The following TENM3 variants were observed in gnomAD, a reference collection of about 807,000 sequenced individuals.
TENM3 encodes the protein teneurin-3.
Under a neutral mutation model 255.1 loss-of-function variants are expected in TENM3, and 63 were observed. That is an observed-to-expected ratio of 0.25 (90% CI 0.20 to 0.30). TENM3 has a LOEUF of 0.30. Among genes scored for constraint, TENM3 ranks in the 10% least tolerant of loss-of-function variants. The probability of loss-of-function intolerance (pLI) is 1.00; values close to 1 mark genes in which losing one functional copy is unlikely to be tolerated. For synonymous variants in TENM3, 1,306 were observed against 1,322.3 expected (o/e 0.99, Z 0.27); for missense variants, 2,929 against 3,461.1 (o/e 0.85, Z 3.86).
intron 3 of TENM3, among the ~76,000 whole-genome samples, chr4:182,488,779 A>G (rs1734996673): frequency 6.6e-6 from 1 of 152,150 alleles, no homozygotes; most frequent in Admixed American, 6.6e-5. Context: ...ATATAAAATT[A>G]TGTAATAGGT....
At chr4:181,860,725 C>T in the TENM3 span, among the ~76,000 whole-genome samples, 1 of 152,148 alleles carries the variant, frequency 6.6e-6, no homozygotes, top group African/African-American at 2.4e-5. Context: ...TTTATGGGGG[C>T]TCCGGGGTCC....
intron 4 of TENM3, among the ~76,000 whole-genome samples, chr4:182,613,241 G>A (rs1023194713): frequency 4.6e-5 from 7 of 152,226 alleles, no homozygotes; most frequent in East Asian, 3.9e-4. Flanking sequence ...AACAATAGGT[G>A]TAATTGATAT....
chr4:181,473,227 ACT>A, the TENM3 span, among the ~76,000 whole-genome samples: 1 of 152,068 alleles, frequency 6.6e-6, no homozygotes, highest in African/African-American at 2.4e-5. Context: ...CAAAGACAAG[ACT>A]CTATCAGCTT....
intron 3 of TENM3, among the ~76,000 whole-genome samples, chr4:182,361,768 G>C (rs572547605): frequency 1.3e-5 from 2 of 152,130 alleles, no homozygotes; most frequent in African/African-American, 2.4e-5. Flanking sequence ...GAGGAACTGC[G>C]TTCCTTTGGA....
intron 3 of TENM3, among the ~76,000 whole-genome samples, chr4:182,573,826 A>G (rs1580985482): frequency 6.6e-6 from 1 of 152,312 alleles, no homozygotes; most frequent in Non-Finnish European, 1.5e-5. Flanking sequence ...AAGGAAAAAT[A>G]TTGAGATTCA....
At chr4:182,600,593 C>G (rs1747729056) in intron 3 of TENM3, among the ~76,000 whole-genome samples, 1 of 151,768 alleles carries the variant, frequency 6.6e-6, no homozygotes, top group Admixed American at 6.6e-5. Flanking sequence ...AATCTGAAGG[C>G]ACATTAGAGG....
At chr4:182,642,369 C>T (rs992458185) in intron 5 of TENM3, among the ~76,000 whole-genome samples, 1 of 152,196 alleles carries the variant, frequency 6.6e-6, no homozygotes, top group African/African-American at 2.4e-5. Flanking sequence ...TCAAAGGCAG[C>T]TCTGGAATTA....
chr4:181,715,053 G>A, the TENM3 span, among the ~76,000 whole-genome samples: 1 of 152,270 alleles, frequency 6.6e-6, no homozygotes, highest in East Asian at 1.9e-4. Flanking sequence ...AAAGAACTGA[G>A]GGTTACCAAT....
At chr4:182,143,375 G>GAA (rs1228799406), upstream of TENM3, 1 of 166,958 alleles carries the variant, frequency 6.0e-6, no homozygotes, top group Non-Finnish European at 1.5e-5. This position sits in a 1 kb window ranked among gnomAD's most constrained non-coding sequence, Gnocchi z 4.3. Context: ...TCGGACGAAA[G>GAA]AACACTGTGG....
At chr4:181,589,522 T>C in the TENM3 span, among the ~76,000 whole-genome samples, 2 of 152,202 alleles carry the variant, frequency 1.3e-5, no homozygotes, top group Admixed American at 6.5e-5. Flanking sequence ...AAACTAAAAA[T>C]GTAAAAAGGA....
the TENM3 span, among the ~76,000 whole-genome samples, chr4:181,590,525 C>T: frequency 6.6e-6 from 1 of 152,136 alleles, no homozygotes; most frequent in East Asian, 1.9e-4. Flanking sequence ...GCTAGGGGCA[C>T]CATCCTTTAG....
the TENM3 span, among the ~76,000 whole-genome samples, chr4:181,990,088 G>C: frequency 6.6e-6 from 1 of 152,034 alleles, no homozygotes; most frequent in Admixed American, 6.6e-5. Flanking sequence ...ACAATGTATA[G>C]TACTAACCAG....
chr4:182,269,904 C>T lies in TENM3; in HGVS notation c.-76+26428C>T, dbSNP rs142758804. 3.1e-3 allele frequency among the ~76,000 whole-genome samples: 467 copies of T among 152,146 alleles called. 6 individuals are homozygous for T. The highest frequency in any genetic ancestry group is 0.011 in the African/African-American group (451 of 41,492). On this transcript the variant is annotated intron_variant, in intron 1 of 27. Transcript: ENST00000511685. ...ATTTTAGGGAGACAGGGGTAACAGG[C>T]AAAGACATAAATCAACACACGTAAG...
intron 12 of TENM3, among the ~76,000 whole-genome samples, chr4:182,693,688 A>G (rs1425071858): frequency 1.3e-5 from 2 of 152,204 alleles, no homozygotes; most frequent in African/African-American, 4.8e-5. Flanking sequence ...TTGAAGCAGA[A>G]TAATGTTTAA....
rs923581516 is a variant in TENM3 at position 182,309,728 on chromosome 4, A to G, written c.-75-14218A>G. Among the ~76,000 whole-genome samples, 4 of 152,232 alleles carry G rather than the reference A, an allele frequency of 2.6e-5. No homozygotes were observed. The East Asian group carries it at 7.7e-4, about 29-fold the overall frequency. Reference sequence around the variant, plus strand: ...AAAATAGCAATTTCGTAACAGAGGTATAATCTCTTGCTCTCAACCGTATAG... The same window carrying G: ...AAAATAGCAATTTCGTAACAGAGGTGTAATCTCTTGCTCTCAACCGTATAG... On this transcript the variant is annotated intron_variant, in intron 1 of 27. Coordinates refer to ENST00000511685, the MANE Select transcript of TENM3 (RefSeq NM_001080477.4).
the TENM3 span, among the ~76,000 whole-genome samples, chr4:182,075,692 T>C: frequency 5.3e-5 from 8 of 152,168 alleles, no homozygotes; most frequent in African/African-American, 9.7e-5. Context: ...GTCATTGCTC[T>C]GGACAAGAGC....
the TENM3 span, among the ~76,000 whole-genome samples, chr4:181,976,869 G>A: frequency 5.2e-4 from 79 of 152,288 alleles, 1 homozygote; most frequent in Admixed American, 6.5e-4. Flanking sequence ...AGAAGGAACC[G>A]ACAAATGTGA....
At chr4:181,934,075 T>TGTGTGTGC in the TENM3 span, among the ~76,000 whole-genome samples, 772 of 148,080 alleles carry the variant, frequency 5.2e-3, 10 homozygotes, top group African/African-American at 0.017. Flanking sequence ...TGTGTGTGTG[T>TGTGTGTGC]GCGCGCGCTT....
At chr4:181,882,947 T>C in the TENM3 span, among the ~76,000 whole-genome samples, 1 of 152,132 alleles carries the variant, frequency 6.6e-6, no homozygotes, top group South Asian at 2.1e-4. Context: ...ACAACCACCA[T>C]TGTCAAATTA....
Sources: allele counts gnomAD v4.1 joint callset (sites outside exome capture counted in the v4.1 genomes callset), GRCh38; gene constraint gnomAD v4.1.1; non-coding constraint Gnocchi (gnomAD v3.1); transcripts MANE v1.5; gene names NCBI Gene and HGNC (gene_info 2026-07-23, HGNC 2026-07-21).